NUDT7: variants seen among roughly 807,000 people sequenced by gnomAD.
The protein encoded by NUDT7 is nudix hydrolase 7, also known as peroxisomal coenzyme A diphosphatase NUDT7.
In NUDT7, 19 loss-of-function variants were observed where a neutral mutation model predicts 13.1. The ratio of observed to expected loss-of-function variants is 1.45; its 90% CI spans 1.01 to 2.13. The LOEUF (loss-of-function observed/expected upper bound fraction) is 2.13. Ranked by LOEUF, NUDT7 falls within the 30% of genes most tolerant of loss-of-function variation. The pLI is 0.00. For missense variants in NUDT7, 360 were observed against 291.7 expected (o/e 1.23, Z -1.71); for synonymous variants, 132 against 109.7 (o/e 1.20, Z -1.27).
chr16:77,725,502 C>A lies in NUDT7; in HGVS notation c.107C>A (p.Pro36Gln). 6 of 1,613,754 alleles carry A rather than the reference C, an allele frequency of 3.7e-6. No individual in the cohort carries two copies. In the African/African-American group the frequency reaches 8.0e-5, roughly 22 times the overall value. ...ATTGGAGGCAAATATTCTCACTTGCCATATAACAAATACTCCGTCCTTTTG... is the reference window on the plus strand; with the variant it reads ...ATTGGAGGCAAATATTCTCACTTGCAATATAACAAATACTCCGTCCTTTTG... Reference protein sequence around the residue: ...YDIGGKYSHLPYNKYSVLLPL... With the variant: ...YDIGGKYSHLQYNKYSVLLPL... The change falls in exon 2 of 4, where the codon CCA (proline) becomes CAA (glutamine). Residue 36 changes from proline to glutamine, a missense_variant. Pro to Gln is a moderately conservative substitution (Grantham distance 76). Transcript: ENST00000268533.
chr16:77,726,613 A>G (rs1797531720), intron 2 of NUDT7, among the ~76,000 whole-genome samples: 1 of 152,060 alleles, frequency 6.6e-6, no homozygotes, highest in Non-Finnish European at 1.5e-5. Flanking sequence ...TGACCAACAT[A>G]GTGAAACCCC....
chr16:77,724,619 T>C (rs942941178), intron 1 of NUDT7, among the ~76,000 whole-genome samples: 6 of 152,146 alleles, frequency 3.9e-5, no homozygotes, highest in African/African-American at 1.4e-4. Flanking sequence ...AGAGCTCACT[T>C]TAATTACATC....
chr16:77,731,850 A>G (rs2014328163), intron 2 of NUDT7, among the ~76,000 whole-genome samples: 1 of 148,670 alleles, frequency 6.7e-6, no homozygotes, highest in Non-Finnish European at 1.5e-5. Context: ...GTTTAAAAAG[A>G]AAAAAAAATC....
At position 77,741,887 on chromosome 16, in the gene NUDT7, T is replaced by A. The variant is rs1403615317; in HGVS notation, c.654T>A (p.Asp218Glu). Residue 218 changes from aspartate (D) to glutamate (E), a missense_variant, in exon 4 of 4, where the codon GAT becomes GAA. Asp to Glu is a conservative substitution (Grantham distance 45, BLOSUM62 2). Coordinates refer to ENST00000268533, the MANE Select transcript of NUDT7 (RefSeq NM_001105663.3). ...PTFEVQFNLN[D>E]VLASSEELFL... ...TTGAGGTTCAATTTAATCTTAATGATGTATTAGCATCCTCTGAAGAGTTAT... is the reference window on the plus strand; with the variant it reads ...TTGAGGTTCAATTTAATCTTAATGAAGTATTAGCATCCTCTGAAGAGTTAT... 1.2e-6 allele frequency: 2 copies of A among 1,613,982 alleles called. No individual in the cohort carries two copies. Among genetic ancestry groups the A allele is most frequent in the Non-Finnish European group, 1.7e-6 (2 of 1,179,958 alleles).
intron 3 of NUDT7, among the ~76,000 whole-genome samples, chr16:77,739,915 A>G (rs1310709777): frequency 6.6e-6 from 1 of 151,758 alleles, no homozygotes; most frequent in African/African-American, 2.4e-5. Flanking sequence ...ATATTAATTT[A>G]CCCTCCAGAA....
chr16:77,732,385 G>T (rs1340543334), intron 2 of NUDT7, among the ~76,000 whole-genome samples: 3 of 151,850 alleles, frequency 2.0e-5, no homozygotes, highest in Non-Finnish European at 4.4e-5. Flanking sequence ...TAAGTGTCTA[G>T]TATTTATGAA....
intron 3 of NUDT7, among the ~76,000 whole-genome samples, chr16:77,736,495 A>G (rs1295280128): frequency 6.6e-6 from 1 of 152,240 alleles, no homozygotes; most frequent in Non-Finnish European, 1.5e-5. Flanking sequence ...TAGGCAAGCT[A>G]TTTAAAAACT....
At chr16:77,724,203 C>T (rs2014054938) in intron 1 of NUDT7, among the ~76,000 whole-genome samples, 1 of 152,156 alleles carries the variant, frequency 6.6e-6, no homozygotes, top group Admixed American at 6.6e-5. Context: ...ACTTCAACCT[C>T]TGCCGCCATC....
At chr16:77,732,840 C>T (rs2014361313) in intron 2 of NUDT7, among the ~76,000 whole-genome samples, 1 of 152,168 alleles carries the variant, frequency 6.6e-6, no homozygotes, top group Admixed American at 6.5e-5. Flanking sequence ...TCTGTCAAGC[C>T]TGATGACTGC....
chr16:77,726,728 C>CGGAGGTTGAACACTTGAAACCA (rs1433843740), intron 2 of NUDT7, among the ~76,000 whole-genome samples: 1 of 152,000 alleles, frequency 6.6e-6, no homozygotes, highest in Non-Finnish European at 1.5e-5. Context: ...AACCAGGAGG[C>CGGAGGTTGAACACTTGAAACCA]GGAGGTTGCA....
At chr16:77,733,828 G>A (rs1333387657) in intron 2 of NUDT7, among the ~76,000 whole-genome samples, 1 of 152,146 alleles carries the variant, frequency 6.6e-6, no homozygotes, top group Non-Finnish European at 1.5e-5. Context: ...CAATTCAGGA[G>A]AGAAAGGATA....
Position 77,735,885 on chromosome 16 carries a change from A to G in NUDT7, c.247A>G (p.Met83Val), listed in dbSNP as rs1473903315. ...TGGAGGTAAGCGTGACCCTACAGAC[A>G]TGGATGATGCAGCCACAGCTCTCCG... ...FPGGKRDPTD[M>V]DDAATALREA... The change falls in exon 3 of 4, where the codon ATG (methionine) becomes GTG (valine). Residue 83 changes from methionine (M) to valine (V), a missense_variant. Transcript: ENST00000268533. 6.2e-7 allele frequency: 1 copy of G among 1,614,078 alleles called. No individual in the cohort carries two copies. Among genetic ancestry groups the G allele is most frequent in the Non-Finnish European group, 8.5e-7 (1 of 1,179,988 alleles).
chr16:77,736,016 CCGT>C lies in NUDT7; in HGVS notation c.348+32_348+34del, dbSNP rs745885481. ...GGGTTTCCTGAGACACTCATGAGCA[CCGT>C]CCCCACCCCCAGGTGGATCTACTGT... On this transcript the variant is annotated intron_variant, in intron 3 of 3. Transcript: ENST00000268533. 165 of 1,604,786 alleles carry C rather than the reference CCGT, an allele frequency of 1.0e-4. 2 individuals are homozygous for C. Among genetic ancestry groups the C allele is most frequent in the East Asian group, 4.9e-4 (22 of 44,790 alleles).
intron 3 of NUDT7, among the ~76,000 whole-genome samples, chr16:77,739,702 G>T (rs2014599117): frequency 6.6e-6 from 1 of 152,126 alleles, no homozygotes; most frequent in Non-Finnish European, 1.5e-5. Context: ...AGTTGCTCTG[G>T]TTCAAACGCC....
chr16:77,735,322 T>G (rs2014442749), intron 2 of NUDT7: 4 of 438,514 alleles, frequency 9.1e-6, no homozygotes, highest in South Asian at 6.7e-5. Flanking sequence ...CAATAGTGAG[T>G]GAGTTCTCAC....
intron 2 of NUDT7, among the ~76,000 whole-genome samples, chr16:77,734,294 G>T (rs922626621): frequency 6.6e-6 from 1 of 152,172 alleles, no homozygotes. Flanking sequence ...GTGAGCCTAA[G>T]TTCCTTTGTC....
At chr16:77,739,350 G>C (rs2014587265) in intron 3 of NUDT7, among the ~76,000 whole-genome samples, 1 of 152,192 alleles carries the variant, frequency 6.6e-6, no homozygotes, top group South Asian at 2.1e-4. Context: ...GAGTTTTCCA[G>C]GAAAGGGATG....
chr16:77,731,989 A>G (rs2014332433), intron 2 of NUDT7, among the ~76,000 whole-genome samples: 1 of 152,194 alleles, frequency 6.6e-6, no homozygotes, highest in Non-Finnish European at 1.5e-5. Context: ...TAAAAAGTTT[A>G]GAAAGTAAGA....
At chr16:77,725,315 G>T in intron 1 of NUDT7, 116 bp from the exon 2 acceptor site, 1 of 832,582 alleles carries the variant, frequency 1.2e-6, no homozygotes, top group South Asian at 2.1e-5. Flanking sequence ...AATACACAGA[G>T]AGTCAGAAAT....
Sources: gnomAD v4.1 joint callset for allele counts (sites outside exome capture counted in the v4.1 genomes callset) on GRCh38, gnomAD v4.1.1 for gene constraint, MANE v1.5 for transcripts, NCBI Gene and HGNC (gene_info 2026-07-23, HGNC 2026-07-21) for gene names.